The following ARL13B variants were observed in gnomAD, a reference collection of about 807,000 sequenced individuals.
The protein encoded by ARL13B is ADP-ribosylation factor-like protein 13B.
ARL13B carries 36 observed loss-of-function variants against 56.1 expected under a neutral mutation model. That is an observed-to-expected ratio of 0.64 (90% CI 0.49 to 0.85). ARL13B has a LOEUF of 0.85. Ranked by LOEUF, ARL13B falls within the 40% of genes least tolerant of loss-of-function variation. The pLI is 0.00. For synonymous variants in ARL13B, 178 were observed against 171.1 expected (o/e 1.04, Z -0.32); for missense variants, 519 against 507.1 (o/e 1.02, Z -0.23).
At chr3:94,039,767 T>C in intron 5 of ARL13B, 113 bp from the exon 6 acceptor site, 1 of 876,778 alleles carries the variant, frequency 1.1e-6, no homozygotes, top group South Asian at 1.6e-5. Flanking sequence ...TTCAAAACCA[T>C]GTCCAGATGT....
chr3:93,995,070 A>G (rs1276036433), intron 1 of ARL13B, among the ~76,000 whole-genome samples: 1 of 152,104 alleles, frequency 6.6e-6, no homozygotes, highest in Non-Finnish European at 1.5e-5. Flanking sequence ...GGACTGTCTC[A>G]CCTGTTATAT....
chr3:93,992,677 G>GA (rs890256935), intron 1 of ARL13B, among the ~76,000 whole-genome samples: 1 of 152,148 alleles, frequency 6.6e-6, no homozygotes, highest in Non-Finnish European at 1.5e-5. Context: ...TGTAGATCTT[G>GA]AAATGCATTG....
chr3:94,034,470 T>G (rs908813406), intron 3 of ARL13B, among the ~76,000 whole-genome samples: 1 of 152,022 alleles, frequency 6.6e-6, no homozygotes, highest in Non-Finnish European at 1.5e-5. Flanking sequence ...TGGTTTTCCA[T>G]TTTGTTGGTG....
chr3:94,040,880 G>A (rs182197407), intron 6 of ARL13B, among the ~76,000 whole-genome samples: 114 of 152,130 alleles, frequency 7.5e-4, no homozygotes, highest in African/African-American at 2.7e-3. Flanking sequence ...GGTATAAATT[G>A]TGTAGAAGGC....
intron 6 of ARL13B, among the ~76,000 whole-genome samples, chr3:94,040,238 G>A (rs1018048037): frequency 1.3e-5 from 2 of 152,098 alleles, no homozygotes; most frequent in Admixed American, 1.3e-4. Context: ...AAATTTGACT[G>A]TAGCAATTAT....
chr3:94,037,854 A>G (rs1388664998), intron 5 of ARL13B, among the ~76,000 whole-genome samples: 1 of 152,122 alleles, frequency 6.6e-6, no homozygotes, highest in Non-Finnish European at 1.5e-5. Context: ...CCTTTTCCAT[A>G]ATGATATTCT....
At chr3:94,015,715 C>T (rs1018183490) in intron 3 of ARL13B, among the ~76,000 whole-genome samples, 1 of 152,064 alleles carries the variant, frequency 6.6e-6, no homozygotes, top group African/African-American at 2.4e-5. Context: ...ACTCATTTTG[C>T]TAAATATGCA....
chr3:94,022,887 A>G (rs1046560225), intron 3 of ARL13B, among the ~76,000 whole-genome samples: 3 of 152,050 alleles, frequency 2.0e-5, no homozygotes, highest in African/African-American at 4.8e-5. Context: ...AATTTTGTAC[A>G]TACATCACTA....
chr3:94,020,662 C>T (rs1023404138), intron 3 of ARL13B, among the ~76,000 whole-genome samples: 8 of 152,072 alleles, frequency 5.3e-5, no homozygotes, highest in Non-Finnish European at 7.4e-5. Flanking sequence ...AAAGTTTATT[C>T]GGAAACATTT....
chr3:94,020,441 C>T (rs984227923), intron 3 of ARL13B, among the ~76,000 whole-genome samples: 11 of 152,016 alleles, frequency 7.2e-5, no homozygotes, highest in African/African-American at 2.2e-4. Context: ...ACTCTTTATA[C>T]GACAGTATAG....
At chr3:94,041,707 A>G (rs1162034227) in intron 6 of ARL13B, among the ~76,000 whole-genome samples, 4 of 152,298 alleles carry the variant, frequency 2.6e-5, no homozygotes, top group East Asian at 1.9e-4. Flanking sequence ...ACAAATTACT[A>G]TGAAAATAAT....
chr3:93,996,876 G>A (rs1375863170), intron 2 of ARL13B, among the ~76,000 whole-genome samples: 2 of 152,046 alleles, frequency 1.3e-5, no homozygotes, highest in African/African-American at 2.4e-5. Flanking sequence ...GCAGGCCAGT[G>A]AACGAAGCTT....
At chr3:93,992,712 G>T (rs1306090691) in intron 1 of ARL13B, among the ~76,000 whole-genome samples, 7 of 152,222 alleles carry the variant, frequency 4.6e-5, no homozygotes, top group Middle Eastern at 3.4e-3. Context: ...AATTGAGTTA[G>T]CTTTAATATT....
At chr3:94,043,535 C>A (rs62265486) in intron 7 of ARL13B, among the ~76,000 whole-genome samples, 795 of 5,758 alleles carry the variant, frequency 0.14, 59 homozygotes, top group Non-Finnish European at 0.23. Context: ...CTTGGAATAG[C>A]CCTCCCCCTC....
chr3:94,040,848 C>T (rs2076849226), intron 6 of ARL13B, among the ~76,000 whole-genome samples: 1 of 152,206 alleles, frequency 6.6e-6, no homozygotes, highest in African/African-American at 2.4e-5. Context: ...TAAATAATGG[C>T]TAATTATTTT....
At chr3:94,035,030 G>A (rs1291329193) in intron 3 of ARL13B, among the ~76,000 whole-genome samples, 2 of 152,128 alleles carry the variant, frequency 1.3e-5, no homozygotes, top group Non-Finnish European at 2.9e-5. Flanking sequence ...GAGGTCAGGA[G>A]TTCAAGACCA....
chr3:94,045,969 A>AG lies in ARL13B; in HGVS notation c.1024+2729_1024+2730insG, dbSNP rs377104510. On this transcript the variant is annotated intron_variant, in intron 7 of 9. Coordinates refer to ENST00000394222, the MANE Select transcript of ARL13B (RefSeq NM_001174150.2). The stretch of plus-strand genomic sequence containing the variant: ...CCATCACAAAAAAAAAAAAAAAAAG[A>AG]AAAAAAAAAGACATACTATAAAATA... Among the ~76,000 whole-genome samples the AG allele has an allele frequency of 3.0e-4, 35 of 118,228 alleles. 1 individual carries two copies. Among genetic ancestry groups the AG allele is most frequent in the Non-Finnish European group, 6.0e-4 (32 of 53,326 alleles). The allele number at this position is 118,228 out of a possible 152,430, so 77.6% of individuals were successfully genotyped here. A position where few individuals can be genotyped will look rare whatever the true frequency, so the allele number is the denominator to read the frequency against.
intron 3 of ARL13B, among the ~76,000 whole-genome samples, chr3:94,020,496 C>T (rs545534921): frequency 6.6e-6 from 1 of 152,182 alleles, no homozygotes; most frequent in South Asian, 2.1e-4. Context: ...CATAGCTTTA[C>T]TATGCTATGA....
chr3:93,990,759 C>T (rs1310366689), intron 1 of ARL13B, among the ~76,000 whole-genome samples: 2 of 152,178 alleles, frequency 1.3e-5, no homozygotes, highest in Non-Finnish European at 2.9e-5. Context: ...CTGAGATATG[C>T]TCTTAACCCC....
Sources: gnomAD v4.1 joint callset for allele counts (sites outside exome capture counted in the v4.1 genomes callset) on GRCh38, gnomAD v4.1.1 for gene constraint, MANE v1.5 for transcripts, NCBI Gene and HGNC (gene_info 2026-07-23, HGNC 2026-07-21) for gene names.